The following KIF26A variants were observed in gnomAD, a reference collection of about 807,000 sequenced individuals.
KIF26A encodes kinesin family member 26A.
Under a neutral mutation model 126.0 loss-of-function variants are expected in KIF26A, and 74 were observed. The observed-to-expected ratio is 0.59, with a 90% CI of 0.49 to 0.71. The LOEUF (loss-of-function observed/expected upper bound fraction) is 0.71. Among genes scored for constraint, KIF26A ranks in the 30% least tolerant of loss-of-function variants. The probability of loss-of-function intolerance (pLI) is 0.00; values close to 1 mark genes in which losing one functional copy is unlikely to be tolerated. For missense variants in KIF26A, 2,984 were observed against 2,763.3 expected (o/e 1.08, Z -1.79); for synonymous variants, 1,445 against 1,232.7 (o/e 1.17, Z -3.61).
Position 104,152,023 on chromosome 14 carries a change from C to T in KIF26A, c.297C>T (p.Cys99=). The T allele has an allele frequency of 6.2e-7, 1 of 1,612,596 alleles. No homozygotes were observed. The highest frequency in any genetic ancestry group is 8.5e-7 in the Non-Finnish European group (1 of 1,179,724). Residue 99 remains cysteine (C), a synonymous_variant, in exon 3 of 15, where the codon TGC becomes TGT. Coordinates refer to ENST00000423312, the MANE Select transcript of KIF26A (RefSeq NM_015656.2). The surrounding 1 kb of genome is among the most constrained non-coding windows in gnomAD (Gnocchi z 5.9). ...TCCCTTGCTGTCCTCAGGATCCTTG[C>T]CTCTCTGCCCTGCTTCTCGACAAGC... ...SGPGTTLRDP[C]LSALLLDKLP...
chr14:104,174,590 G>A (rs1333262404), intron 11 of KIF26A, among the ~76,000 whole-genome samples: 2 of 151,716 alleles, frequency 1.3e-5, no homozygotes, highest in Non-Finnish European at 1.5e-5. Flanking sequence ...CAGGCCCTGG[G>A]GTGCTCAGGA....
intron 3 of KIF26A, among the ~76,000 whole-genome samples, chr14:104,155,280 G>A (rs924024874): frequency 1.3e-5 from 2 of 152,222 alleles, no homozygotes; most frequent in African/African-American, 4.8e-5. Context: ...GGCCTGGAGG[G>A]CTCCTAAGAA....
Position 104,176,459 on chromosome 14 carries a change from G to A in KIF26A, c.3671G>A (p.Gly1224Asp). Reference protein sequence around the residue: ...PRTASATTRVGCARLGQSPPG... With the variant: ...PRTASATTRVDCARLGQSPPG... ...ACTGCCTCTGCCACCACCCGTGTGG[G>A]CTGTGCTCGCCTGGGCCAGAGCCCA... The change falls in exon 12 of 15, where the codon GGC (glycine) becomes GAC (aspartate). Residue 1224 changes from glycine (G) to aspartate (D), a missense_variant. Coordinates refer to ENST00000423312, the MANE Select transcript of KIF26A (RefSeq NM_015656.2). 5 of 1,606,726 alleles carry A rather than the reference G, an allele frequency of 3.1e-6. No homozygotes were observed. The highest frequency in any genetic ancestry group is 4.2e-6 in the Non-Finnish European group (5 of 1,178,802).
intron 2 of KIF26A, among the ~76,000 whole-genome samples, chr14:104,149,374 T>C (rs1469334799): frequency 1.3e-5 from 2 of 152,152 alleles, no homozygotes; most frequent in Non-Finnish European, 2.9e-5. Context: ...GGATGCTGGC[T>C]GGCACCTGGG....
intron 5 of KIF26A, among the ~76,000 whole-genome samples, chr14:104,169,183 G>C (rs1471870757): frequency 2.0e-5 from 3 of 152,200 alleles, no homozygotes; most frequent in African/African-American, 7.2e-5. Context: ...TGTGCCGAGA[G>C]CTCAGGAGGA....
intron 2 of KIF26A, among the ~76,000 whole-genome samples, chr14:104,149,122 C>G (rs1391218574): frequency 1.3e-5 from 2 of 152,130 alleles, no homozygotes; most frequent in Admixed American, 6.5e-5. Context: ...GGCGCCTGGT[C>G]CCATCCAGTG....
intron 3 of KIF26A, among the ~76,000 whole-genome samples, chr14:104,153,952 T>G (rs971534446): frequency 5.3e-5 from 8 of 152,170 alleles, no homozygotes; most frequent in African/African-American, 1.9e-4. Flanking sequence ...CAGCGTTATG[T>G]GCACATTGAT....
Position 104,178,696 on chromosome 14 carries a change from A to G in KIF26A, c.5257A>G (p.Ile1753Val), listed in dbSNP as rs780831786. The change falls in exon 13 of 15, where the codon ATC becomes GTC. Residue 1753 changes from isoleucine (I) to valine (V), a missense_variant. By Grantham distance (29) the Ile-to-Val change is conservative. Transcript: ENST00000423312. ...KEPFEIKVYE[I>V]DDVERLQRPR... is the part of the protein sequence containing the mutation. The stretch of plus-strand genomic sequence containing the variant: ...GCCGTTCGAGATCAAGGTGTACGAG[A>G]TCGATGACGTGGAGCGCCTTCAGCG... 6 of 1,563,360 alleles carry G rather than the reference A, an allele frequency of 3.8e-6. No individual in the cohort carries two copies. The highest frequency in any genetic ancestry group is 1.9e-5 in the Admixed American group (1 of 53,256).
chr14:104,173,767 C>T lies in KIF26A; in HGVS notation c.1929C>T (p.Gly643=). 6.2e-7 allele frequency: 1 copy of T among 1,609,022 alleles called. No homozygotes were observed. The highest frequency in any genetic ancestry group is 8.5e-7 in the Non-Finnish European group (1 of 1,179,368). The change falls in exon 10 of 15, where the codon GGC becomes GGT. Residue 643 remains glycine, a synonymous_variant. Coordinates refer to ENST00000423312, the MANE Select transcript of KIF26A (RefSeq NM_015656.2). ...IDLGSCEAAA[G]RAGEAAGGPL... is the part of the protein sequence containing the mutation. ...TGGGCAGCTGTGAGGCGGCGGCTGGCAGGGCCGGGGAGGCTGCTGGGGGTC... is the reference window on the plus strand; with the variant it reads ...TGGGCAGCTGTGAGGCGGCGGCTGGTAGGGCCGGGGAGGCTGCTGGGGGTC...
In KIF26A at chr14:104,163,327, C is replaced by T. The variant is rs562383401; in HGVS notation, c.924-3532C>T. On this transcript the variant is annotated intron_variant, in intron 4 of 14. Coordinates refer to ENST00000423312, the MANE Select transcript of KIF26A (RefSeq NM_015656.2). ...TGGCTCTGCCCTCTGCGCTTCCCAG[C>T]GTTCCCCTCTGCCCGGGCTTCTTGC... Among the ~76,000 whole-genome samples the T allele has an allele frequency of 9.8e-5, 15 of 152,340 alleles. No individual in the cohort carries two copies. In the South Asian group the frequency reaches 1.7e-3, roughly 17 times the overall value.
intron 7 of KIF26A, 150 bp downstream of exon 7, chr14:104,172,818 G>A (rs2037973180): frequency 2.6e-6 from 3 of 1,150,270 alleles, no homozygotes; most frequent in Non-Finnish European, 3.6e-6. Flanking sequence ...TTGTGGAGAG[G>A]AAGCTGAACC....
At chr14:104,165,047 G>A (rs1349013824) in intron 4 of KIF26A, among the ~76,000 whole-genome samples, 2 of 151,714 alleles carry the variant, frequency 1.3e-5, no homozygotes, top group Non-Finnish European at 2.9e-5. Context: ...ATGTGTATGT[G>A]TGTCTGTGTG....
chr14:104,171,735 C>G lies in KIF26A; in HGVS notation c.1126C>G (p.Leu376Val), dbSNP rs368488344. Reference sequence around the variant, plus strand: ...ACCTCTGCCCCAGGTGAAGGTTATGCTGCGGATCTGGCCCGCACAGGGGGC... The same window carrying G: ...ACCTCTGCCCCAGGTGAAGGTTATGGTGCGGATCTGGCCCGCACAGGGGGC... Reference protein sequence around the residue: ...PGSIGKVKVMLRIWPAQGAQR... With the variant: ...PGSIGKVKVMVRIWPAQGAQR... Residue 376 changes from leucine to valine, a missense_variant, in exon 6 of 15, where the codon CTG (leucine) becomes GTG (valine). Transcript: ENST00000423312. 2 of 1,574,828 alleles carry G rather than the reference C, an allele frequency of 1.3e-6. No individual in the cohort carries two copies. Among genetic ancestry groups the G allele is most frequent in the Admixed American group, 3.6e-5 (2 of 55,168 alleles).
At chr14:104,155,115 A>T (rs935472695) in intron 3 of KIF26A, among the ~76,000 whole-genome samples, 8 of 152,106 alleles carry the variant, frequency 5.3e-5, no homozygotes, top group African/African-American at 1.9e-4. Flanking sequence ...CAGGGGTGAC[A>T]CTGGTGACAG....
At chr14:104,164,647 G>A (rs901610713) in intron 4 of KIF26A, among the ~76,000 whole-genome samples, 12 of 152,132 alleles carry the variant, frequency 7.9e-5, no homozygotes, top group African/African-American at 2.4e-4. Context: ...GAGGCGCGGC[G>A]GGCCTGTACT....
chr14:104,176,479 A>G lies in KIF26A; in HGVS notation c.3691A>G (p.Ser1231Gly). ...TGTGGGCTGTGCTCGCCTGGGCCAG[A>G]GCCCACCTGGCCGTGGAGGCCTGTT... The part of the protein sequence containing the change: ...TRVGCARLGQ[S>G]PPGRGGLFED... The change falls in exon 12 of 15, where the codon AGC becomes GGC. Residue 1231 changes from serine to glycine, a missense_variant. Transcript: ENST00000423312. 1 of 1,606,800 alleles carries G rather than the reference A, an allele frequency of 6.2e-7. No individual in the cohort carries two copies. Among genetic ancestry groups the G allele is most frequent in the South Asian group, 1.1e-5 (1 of 91,056 alleles).
At position 104,177,389 on chromosome 14, in the gene KIF26A, C is replaced by G. The variant is rs1399506743; in HGVS notation, c.4601C>G (p.Pro1534Arg). ...GRSPGGPVAG[P>R]RAAPRAGPSV... ...AGCCCTGGCGGCCCTGTGGCCGGTC[C>G]CAGAGCAGCCCCACGGGCCGGGCCC... Residue 1534 changes from proline to arginine, a missense_variant, in exon 12 of 15, where the codon CCC becomes CGC. Coordinates refer to ENST00000423312, the MANE Select transcript of KIF26A (RefSeq NM_015656.2). 7 of 1,488,890 alleles carry G rather than the reference C, an allele frequency of 4.7e-6. No homozygotes were observed. In the African/African-American group the frequency reaches 5.6e-5, roughly 12 times the overall value. 92.2% of individuals were successfully genotyped at this position (1,488,890 alleles called of 1,614,324 possible).
intron 4 of KIF26A, among the ~76,000 whole-genome samples, chr14:104,165,874 G>A (rs773398627): frequency 9.0e-5 from 13 of 145,052 alleles, no homozygotes; most frequent in South Asian, 4.4e-4. Context: ...TAGGGTGTGC[G>A]TGTCGAGGTC....
intron 2 of KIF26A, among the ~76,000 whole-genome samples, chr14:104,146,581 TG>T (rs1189344507): frequency 6.6e-6 from 1 of 151,052 alleles, no homozygotes. Context: ...CCCCACGTGG[TG>T]GGGAAGAAGT....
Sources: allele counts gnomAD v4.1 joint callset (sites outside exome capture counted in the v4.1 genomes callset), GRCh38; gene constraint gnomAD v4.1.1; non-coding constraint Gnocchi (gnomAD v3.1); transcripts MANE v1.5; gene names NCBI Gene and HGNC (gene_info 2026-07-23, HGNC 2026-07-21).